XKR9: variants seen among roughly 807,000 people sequenced by gnomAD.
XKR9 encodes XK related 9, also known as XK-related protein 9.
XKR9 carries 32 observed loss-of-function variants against 32.0 expected under a neutral mutation model. The ratio of observed to expected loss-of-function variants is 1.00; its 90% confidence interval spans 0.76 to 1.34. The LOEUF is 1.34. XKR9 is among the 40% of genes most tolerant of loss of function. XKR9 has a pLI of 0.00. For synonymous variants in XKR9, 168 were observed against 143.4 expected, an observed-to-expected ratio of 1.17 and a Z score of -1.22; for missense variants, 546 against 429.7, an observed-to-expected ratio of 1.27 and a Z score of -2.39.
At chr8:70,760,037 A>T (rs1807286898) in intron 2 of XKR9, among the ~76,000 whole-genome samples, 1 of 152,212 alleles carries the variant, frequency 6.6e-6, no homozygotes, top group East Asian at 1.9e-4. Flanking sequence ...CAAATAATGT[A>T]TATTTTAATA....
chr8:70,830,108 T>G, the XKR9 span, among the ~76,000 whole-genome samples: 19 of 152,306 alleles, frequency 1.2e-4, no homozygotes, highest in South Asian at 2.3e-3. Flanking sequence ...GTATAGAAAT[T>G]TTAAAAGCAT....
At chr8:70,702,151 C>A (rs1261075013) in intron 3 of XKR9, among the ~76,000 whole-genome samples, 1 of 151,994 alleles carries the variant, frequency 6.6e-6, no homozygotes, top group Non-Finnish European at 1.5e-5. Flanking sequence ...AGAGAGAGGT[C>A]ATGTAGTTAT....
chr8:70,733,838 C>T lies in XKR9; in HGVS notation c.536C>T (p.Thr179Ile). 2 of 1,598,178 alleles carry T rather than the reference C, an allele frequency of 1.3e-6. No individual in the cohort carries two copies. Among genetic ancestry groups the T allele is most frequent in the East Asian group, 2.2e-5 (1 of 44,730 alleles). Residue 179 changes from threonine (T) to isoleucine (I), a missense_variant, in exon 5 of 5, where the codon ACT becomes ATT. Thr to Ile is a moderately conservative substitution (Grantham distance 89, BLOSUM62 -1). Transcript: ENST00000408926. ...TCTTGCTGTGCTATTTCTTGGTCAACTGTTGATTATCAAGTAGCTTTAAGA... is the reference window on the plus strand; with the variant it reads ...TCTTGCTGTGCTATTTCTTGGTCAATTGTTGATTATCAAGTAGCTTTAAGA... ...MVSCCAISWSTVDYQVALRKS... is the reference protein window; with the variant it reads ...MVSCCAISWSIVDYQVALRKS...
At chr8:70,800,204 A>T in the XKR9 span, among the ~76,000 whole-genome samples, 1 of 152,322 alleles carries the variant, frequency 6.6e-6, no homozygotes, top group South Asian at 2.1e-4. Flanking sequence ...CATCCCAGGG[A>T]TAAAGCCTAC....
intron 4 of XKR9, among the ~76,000 whole-genome samples, chr8:70,724,632 G>T (rs1806400149): frequency 6.6e-6 from 1 of 152,088 alleles, no homozygotes; most frequent in Admixed American, 6.5e-5. Flanking sequence ...AGGGGAGGGA[G>T]GTCCCTGGCC....
At chr8:70,698,342 A>G (rs931936929) in intron 3 of XKR9, among the ~76,000 whole-genome samples, 1 of 152,084 alleles carries the variant, frequency 6.6e-6, no homozygotes, top group Non-Finnish European at 1.5e-5. Flanking sequence ...ATTTCCCTCT[A>G]CACACTGCTT....
intron 3 of XKR9, among the ~76,000 whole-genome samples, chr8:70,687,177 A>G (rs1819310049): frequency 6.6e-6 from 1 of 152,062 alleles, no homozygotes; most frequent in African/African-American, 2.4e-5. Context: ...TTCAATTTTT[A>G]GCTCCAATGT....
the XKR9 span, among the ~76,000 whole-genome samples, chr8:70,988,295 A>G: frequency 1.3e-5 from 2 of 151,818 alleles, no homozygotes; most frequent in South Asian, 4.2e-4. Flanking sequence ...CCCTATCTAG[A>G]ATATCCAGAA....
At chr8:71,008,548 T>C in the XKR9 span, among the ~76,000 whole-genome samples, 65,709 of 152,034 alleles carry the variant, frequency 0.43, 15,288 homozygotes, top group Non-Finnish European at 0.53. Context: ...TCTTGCTCCC[T>C]CACCACTGAA....
At chr8:70,833,221 AC>A in the XKR9 span, among the ~76,000 whole-genome samples, 1 of 152,182 alleles carries the variant, frequency 6.6e-6, no homozygotes, top group Non-Finnish European at 1.5e-5. Flanking sequence ...TTAGTATTTA[AC>A]CAACTTGAGT....
the XKR9 span, among the ~76,000 whole-genome samples, chr8:70,898,576 G>C: frequency 2.6e-5 from 4 of 152,024 alleles, no homozygotes; most frequent in Non-Finnish European, 5.9e-5. Flanking sequence ...CTTCCTCTTT[G>C]ACCTATGGCT....
chr8:70,748,594 G>A (rs893683258), intron 2 of XKR9, among the ~76,000 whole-genome samples: 3 of 152,206 alleles, frequency 2.0e-5, no homozygotes, highest in Non-Finnish European at 4.4e-5. Flanking sequence ...GTCTGCAGGT[G>A]CCCCTTGGCA....
chr8:70,939,959 A>T, the XKR9 span, among the ~76,000 whole-genome samples: 1 of 152,102 alleles, frequency 6.6e-6, no homozygotes, highest in African/African-American at 2.4e-5. Flanking sequence ...AAACTGAAGC[A>T]CAGAGAGTTA....
In XKR9 at chr8:70,671,329, ATTTTT is replaced by A. The variant is rs59871501; in HGVS notation, c.-361+1803_-361+1807del. 1.4e-3 allele frequency among the ~76,000 whole-genome samples: 137 copies of A among 98,708 alleles called. 24 individuals are homozygous for A. Among genetic ancestry groups the A allele is most frequent in the African/African-American group, 4.2e-3 (131 of 31,424 alleles). The allele number at this position is 98,708 out of a possible 152,430, so 64.8% of individuals were successfully genotyped here. A position where few individuals can be genotyped will look rare whatever the true frequency, so the allele number is the denominator to read the frequency against. On this transcript the variant is annotated intron_variant, in intron 1 of 4. Coordinates refer to ENST00000408926, the MANE Select transcript of XKR9 (RefSeq NM_001011720.2). ...ATGTTGCTGAAAATGACATGATCTC[ATTTTT>A]TTTTTTTTTTTATTATACTCTAAGT...
chr8:70,839,286 C>G, the XKR9 span, among the ~76,000 whole-genome samples: 1 of 152,188 alleles, frequency 6.6e-6, no homozygotes, highest in South Asian at 2.1e-4. Flanking sequence ...AGCAGATATG[C>G]TTTCAGAAAA....
chr8:70,770,960 A>C (rs1317292058), intron 2 of XKR9, among the ~76,000 whole-genome samples: 1 of 152,188 alleles, frequency 6.6e-6, no homozygotes, highest in Non-Finnish European at 1.5e-5. Context: ...ACTGGGGTAC[A>C]GAAATAAAAC....
rs570860100 is a variant in XKR9, at chr8:70,676,466, A to G, written c.-279+1567A>G. Among the ~76,000 whole-genome samples, 156 of 152,320 alleles carry G rather than the reference A, an allele frequency of 1.0e-3. 1 individual carries two copies. Among genetic ancestry groups the G allele is most frequent in the Non-Finnish European group, 1.3e-3 (90 of 68,030 alleles). ...TGGTACTGGAATAGTGATCAACCAT[A>G]GAGATAGAGATGAACTATTCTTAAT... is the stretch of plus-strand genomic sequence containing the variant. On this transcript the variant is annotated intron_variant, in intron 2 of 4. Transcript: ENST00000408926.
rs573601714 is a variant in XKR9 at position 70,770,461 on chromosome 8, C to G, written n.353-18878C>G. ...GCGCTGTGCTGGGAGATATGCTGCT[C>G]TCTTCAGAGCCGGCAGGCAGGAACG... On this transcript the variant is annotated intron_variant and non_coding_transcript_variant, in intron 2 of 3. Coordinates refer to the XKR9 transcript ENST00000520273. Among the ~76,000 whole-genome samples the G allele has an allele frequency of 2.6e-5, 4 of 152,330 alleles. No homozygotes were observed. In the East Asian group the frequency reaches 7.7e-4, roughly 29 times the overall value.
In XKR9 at chr8:70,742,661, T is replaced by G. The variant is rs1488786970; in HGVS notation, n.352+35508T>G. 2.0e-5 allele frequency among the ~76,000 whole-genome samples: 3 copies of G among 152,266 alleles called. No individual in the cohort carries two copies. The East Asian group carries it at 5.8e-4, about 29-fold the overall frequency. On this transcript the variant is annotated intron_variant and non_coding_transcript_variant, in intron 2 of 3. Coordinates refer to the XKR9 transcript ENST00000520273. Reference sequence around the variant, plus strand: ...CTTTCATTCTTGTAGGATATTTTTGTTGGATATAGAGTTCTGAGTTGACAG... The same window carrying G: ...CTTTCATTCTTGTAGGATATTTTTGGTGGATATAGAGTTCTGAGTTGACAG...
Sources: gnomAD v4.1 joint callset for allele counts (sites outside exome capture counted in the v4.1 genomes callset) on GRCh38, gnomAD v4.1.1 for gene constraint, MANE v1.5 for transcripts, NCBI Gene and HGNC (gene_info 2026-07-23, HGNC 2026-07-21) for gene names.